Variants in RAB8B observed in about 807,000 individuals in gnomAD.
RAB8B encodes ras-related protein Rab-8B.
Under a neutral mutation model 32.0 loss-of-function variants are expected in RAB8B, and 11 were observed. That is an observed-to-expected ratio of 0.34 (90% CI 0.22 to 0.57). The LOEUF is 0.57. Among genes scored for constraint, RAB8B ranks in the 20% least tolerant of loss-of-function variants. The pLI is 0.86. For missense variants in RAB8B, 190 were observed against 258.5 expected (o/e 0.73, Z 1.82); for synonymous variants, 103 against 89.6 (o/e 1.15, Z -0.85).
At chr15:63,206,438 G>T (rs2037698693) in intron 1 of RAB8B, among the ~76,000 whole-genome samples, 1 of 151,990 alleles carries the variant, frequency 6.6e-6, no homozygotes, top group Non-Finnish European at 1.5e-5. Context: ...TTCCTGAAAA[G>T]ATCCCCTACT....
At chr15:63,249,141 C>A (rs1193719429) in intron 2 of RAB8B, among the ~76,000 whole-genome samples, 1 of 152,158 alleles carries the variant, frequency 6.6e-6, no homozygotes, top group Non-Finnish European at 1.5e-5. Flanking sequence ...CATAGCTGAA[C>A]AAGTTCTTGA....
In RAB8B at chr15:63,231,572, C is replaced by T. The variant is rs146977103; in HGVS notation, c.125-13184C>T. Among the ~76,000 whole-genome samples, 835 of 151,304 alleles carry T rather than the reference C, an allele frequency of 5.5e-3. 7 individuals are homozygous for T. The highest frequency in any genetic ancestry group is 0.018 in the African/African-American group (744 of 41,200). On this transcript the variant is annotated intron_variant, in intron 1 of 7. Coordinates refer to ENST00000321437, the MANE Select transcript of RAB8B (RefSeq NM_016530.3). ...TCACCCTTAAATGAAACAGATCTGA[C>T]TCAGTTGTCAGAATTCAAACAAGGA...
intron 1 of RAB8B, among the ~76,000 whole-genome samples, chr15:63,224,560 A>G (rs8037296): frequency 0.38 from 57,996 of 151,982 alleles, 12,461 homozygotes; most frequent in Non-Finnish European, 0.5. Context: ...CTGATTCAAA[A>G]CAGACCTACA....
chr15:63,193,877 CA>C (rs1437726894), intron 1 of RAB8B, among the ~76,000 whole-genome samples: 3 of 152,136 alleles, frequency 2.0e-5, no homozygotes, highest in Non-Finnish European at 2.9e-5. Context: ...AACATAAAGA[CA>C]ACTAGGAATG....
At chr15:63,216,221 T>G (rs1485879266) in intron 1 of RAB8B, among the ~76,000 whole-genome samples, 1 of 147,100 alleles carries the variant, frequency 6.8e-6, no homozygotes, top group African/African-American at 2.5e-5. Context: ...AATTAATTAA[T>G]TAATTAATTA....
chr15:63,200,312 G>T (rs529570463), intron 1 of RAB8B, among the ~76,000 whole-genome samples: 5 of 152,246 alleles, frequency 3.3e-5, no homozygotes, highest in South Asian at 2.1e-4. Context: ...CTTGTAAATT[G>T]GCTAAAATCT....
At chr15:63,201,654 G>A (rs2037651650) in intron 1 of RAB8B, among the ~76,000 whole-genome samples, 1 of 152,096 alleles carries the variant, frequency 6.6e-6, no homozygotes, top group South Asian at 2.1e-4. Context: ...CCTTCACTTG[G>A]ACCTTTGCCG....
chr15:63,256,513 T>C lies in RAB8B; in HGVS notation c.333T>C (p.Ser111=), dbSNP rs140507303. The C allele has an allele frequency of 4.4e-4, 699 of 1,601,148 alleles. No homozygotes were observed. Among genetic ancestry groups the C allele is most frequent in the Non-Finnish European group, 5.4e-4 (634 of 1,176,264 alleles). The part of the protein sequence containing the change: ...NWIRNIEEHA[S]SDVERMILGN... ...CTATTTTCTCCCTGCAGCATGCCTC[T>C]TCCGATGTCGAAAGAATGATCCTGG... is the stretch of plus-strand genomic sequence containing the variant. The change falls in exon 5 of 8, where the codon TCT becomes TCC. Residue 111 remains serine, a synonymous_variant. Coordinates refer to ENST00000321437, the MANE Select transcript of RAB8B (RefSeq NM_016530.3).
intron 1 of RAB8B, among the ~76,000 whole-genome samples, chr15:63,216,749 C>A (rs370873401): frequency 4.0e-5 from 6 of 151,120 alleles, no homozygotes; most frequent in East Asian, 2.0e-4. Flanking sequence ...AGTCCCAGCT[C>A]TTTGGGAGGC....
At chr15:63,196,028 A>G (rs921575759) in intron 1 of RAB8B, among the ~76,000 whole-genome samples, 26 of 152,178 alleles carry the variant, frequency 1.7e-4, no homozygotes, top group Non-Finnish European at 4.4e-5. Flanking sequence ...CCTGGATTGT[A>G]TGTATTCCCT....
chr15:63,255,585 GT>G lies in RAB8B; in HGVS notation c.324+2del. 1 of 1,588,294 alleles carries G rather than the reference GT, an allele frequency of 6.3e-7. No homozygotes were observed. ...AAATTGGATCAGAAACATTGAAGAG[GT>G]ATGTGTGGAAAGAGAATGGTGACAT... On this transcript the variant is annotated splice_donor_variant, in intron 4 of 7. Transcript: ENST00000321437. LOFTEE classifies it high-confidence loss of function.
At chr15:63,193,965 G>A (rs1024908162) in intron 1 of RAB8B, among the ~76,000 whole-genome samples, 1 of 152,128 alleles carries the variant, frequency 6.6e-6, no homozygotes, top group African/African-American at 2.4e-5. Context: ...GCATACCGAC[G>A]TCTTGAAATG....
intron 1 of RAB8B, among the ~76,000 whole-genome samples, chr15:63,226,623 C>T (rs914679694): frequency 2.0e-5 from 3 of 152,180 alleles, no homozygotes; most frequent in Non-Finnish European, 4.4e-5. Flanking sequence ...CTTCACACTT[C>T]TCATTCTGCT....
At chr15:63,239,499 A>G (rs1358827116) in intron 1 of RAB8B, among the ~76,000 whole-genome samples, 9 of 144,920 alleles carry the variant, frequency 6.2e-5, no homozygotes, top group South Asian at 4.3e-4. Context: ...TGCAACCTCT[A>G]CCTCCTGGGT....
intron 2 of RAB8B, 76 bp from the exon 3 acceptor site, chr15:63,249,569 T>A: frequency 1.5e-6 from 2 of 1,368,660 alleles, no homozygotes; most frequent in Non-Finnish European, 2.1e-6. Context: ...TAGAATTACA[T>A]CTCCTACAGC....
intron 1 of RAB8B, among the ~76,000 whole-genome samples, chr15:63,220,520 C>A (rs1340953473): frequency 6.6e-6 from 1 of 151,906 alleles, no homozygotes; most frequent in Non-Finnish European, 1.5e-5. Flanking sequence ...ACAGTGTTCA[C>A]TGCACATATA....
chr15:63,251,882 TG>T (rs906189551), intron 3 of RAB8B, among the ~76,000 whole-genome samples: 2 of 152,044 alleles, frequency 1.3e-5, no homozygotes, highest in African/African-American at 4.8e-5. Flanking sequence ...TTTCAGCAAG[TG>T]GTGGTTATGG....
chr15:63,236,489 G>T (rs1415482105), intron 1 of RAB8B, among the ~76,000 whole-genome samples: 2 of 152,122 alleles, frequency 1.3e-5, no homozygotes. Context: ...ATGCCTCCTG[G>T]TGGGTCATGG....
chr15:63,248,877 G>C lies in RAB8B; in HGVS notation c.186-768G>C, dbSNP rs1295517315. Among the ~76,000 whole-genome samples the C allele has an allele frequency of 6.6e-6, 1 of 152,082 alleles. No individual in the cohort carries two copies. Among genetic ancestry groups the C allele is most frequent in the East Asian group, 1.9e-4 (1 of 5,196 alleles). ...ACAGGGAATGAATTAGTTCTGGCTG[G>C]AAGTGGGAAATTTGAGAATATTGAT... On this transcript the variant is annotated intron_variant, in intron 2 of 7. Coordinates refer to ENST00000321437, the MANE Select transcript of RAB8B (RefSeq NM_016530.3). The surrounding 1 kb of genome is among the most constrained non-coding windows in gnomAD (Gnocchi z 4.4).
Sources: allele counts gnomAD v4.1 joint callset (sites outside exome capture counted in the v4.1 genomes callset), GRCh38; gene constraint gnomAD v4.1.1; non-coding constraint Gnocchi (gnomAD v3.1); transcripts MANE v1.5; gene names NCBI Gene and HGNC (gene_info 2026-07-23, HGNC 2026-07-21).